PARP15: variants seen among roughly 807,000 people sequenced by gnomAD.
PARP15 encodes poly(ADP-ribose) polymerase family member 15.
Under a neutral mutation model 62.1 loss-of-function variants are expected in PARP15, and 50 were observed. That is an observed-to-expected ratio of 0.81 (90% CI 0.64 to 1.02). The LOEUF (loss-of-function observed/expected upper bound fraction) is 1.02, where lower values mean the gene tolerates loss of function less well. Among genes scored for constraint, PARP15 ranks in the 50% least tolerant of loss-of-function variants. The probability of loss-of-function intolerance (pLI) is 0.00; values close to 1 mark genes in which losing one functional copy is unlikely to be tolerated. For missense variants in PARP15, 820 were observed against 826.5 expected, an observed-to-expected ratio of 0.99 and a Z score of 0.10; for synonymous variants, 309 against 293.1, an observed-to-expected ratio of 1.05 and a Z score of -0.55.
At position 122,598,062 on chromosome 3, in the gene PARP15, T is replaced by G. The variant is rs1053665206; in HGVS notation, c.187-7874T>G. ...GAACCCATGGATATATATTTACATGTTTTTTGTTAAGACCTTTAAATTTCA... is the reference window on the plus strand; with the variant it reads ...GAACCCATGGATATATATTTACATGGTTTTTGTTAAGACCTTTAAATTTCA... On this transcript the variant is annotated intron_variant, in intron 1 of 11. Coordinates refer to ENST00000464300, the MANE Select transcript of PARP15 (RefSeq NM_001113523.3). Among the ~76,000 whole-genome samples, 92 of 152,294 alleles carry G rather than the reference T, an allele frequency of 6.0e-4. 1 individual carries two copies. Among genetic ancestry groups the G allele is most frequent in the African/African-American group, 2.1e-3 (86 of 41,550 alleles).
chr3:122,584,245 T>C (rs1197311669), intron 1 of PARP15, among the ~76,000 whole-genome samples: 1 of 152,230 alleles, frequency 6.6e-6, no homozygotes, highest in Non-Finnish European at 1.5e-5. Flanking sequence ...GATGTTTGCA[T>C]GCTCATTTTA....
intron 1 of PARP15, among the ~76,000 whole-genome samples, chr3:122,595,476 C>T (rs1934261581): frequency 6.6e-6 from 1 of 152,168 alleles, no homozygotes; most frequent in Non-Finnish European, 1.5e-5. Flanking sequence ...ATGGCTCCTT[C>T]CTCCTAAATA....
intron 1 of PARP15, among the ~76,000 whole-genome samples, chr3:122,602,401 C>T (rs1174307692): frequency 2.6e-5 from 4 of 152,136 alleles, no homozygotes; most frequent in Non-Finnish European, 4.4e-5. Flanking sequence ...CTCTAGAGCT[C>T]CCTGGGAGAT....
chr3:122,605,382 G>A (rs983575128), intron 1 of PARP15, among the ~76,000 whole-genome samples: 2 of 152,138 alleles, frequency 1.3e-5, no homozygotes, highest in Admixed American at 1.3e-4. Context: ...GGCTATGCTA[G>A]GATTCTTGGG....
At chr3:122,595,438 G>A (rs556471484) in intron 1 of PARP15, among the ~76,000 whole-genome samples, 1 of 151,982 alleles carries the variant, frequency 6.6e-6, no homozygotes, top group Non-Finnish European at 1.5e-5. Context: ...CCTTTTACTC[G>A]ATCTCTTAGC....
intron 9 of PARP15, among the ~76,000 whole-genome samples, chr3:122,628,185 C>T (rs1174696266): frequency 1.3e-5 from 2 of 152,204 alleles, no homozygotes; most frequent in Non-Finnish European, 2.9e-5. Flanking sequence ...TGGAGATATA[C>T]AGTCATCATC....
chr3:122,633,322 A>G (rs919389161), intron 10 of PARP15, among the ~76,000 whole-genome samples: 14 of 152,306 alleles, frequency 9.2e-5, no homozygotes, highest in East Asian at 3.9e-4. Flanking sequence ...TTCCTGAGAA[A>G]GGGGAGCCAG....
At chr3:122,623,545 C>T (rs1438252059) in intron 8 of PARP15, among the ~76,000 whole-genome samples, 2 of 152,098 alleles carry the variant, frequency 1.3e-5, no homozygotes, top group Non-Finnish European at 2.9e-5. Flanking sequence ...AGGGAAAGGG[C>T]AGAAAAGTCA....
At chr3:122,635,767 G>A (rs1315735832) in intron 11 of PARP15, 44 bp from the exon 12 acceptor site, 3 of 1,572,098 alleles carry the variant, frequency 1.9e-6, no homozygotes, top group Non-Finnish European at 2.6e-6. Context: ...TACACATTGT[G>A]TAATTTTATA....
At chr3:122,596,185 G>A (rs1176701548) in intron 1 of PARP15, among the ~76,000 whole-genome samples, 7 of 151,474 alleles carry the variant, frequency 4.6e-5, no homozygotes, top group Non-Finnish European at 1.0e-4. Context: ...GGTGAAACCC[G>A]TCTCTACTAA....
intron 1 of PARP15, among the ~76,000 whole-genome samples, chr3:122,585,779 C>T (rs1933377563): frequency 1.3e-5 from 2 of 152,226 alleles, no homozygotes; most frequent in South Asian, 4.1e-4. Context: ...AAACTGCCAT[C>T]CCCTATTCCA....
intron 6 of PARP15, 112 bp from the exon 7 acceptor site, chr3:122,619,669 G>A (rs1936212706): frequency 4.4e-6 from 4 of 905,248 alleles, no homozygotes; most frequent in Non-Finnish European, 7.3e-6. Flanking sequence ...CGTGGGGGTG[G>A]TCAATGGATT....
chr3:122,617,604 C>T (rs188252414), intron 6 of PARP15, among the ~76,000 whole-genome samples: 241 of 152,286 alleles, frequency 1.6e-3, no homozygotes, highest in African/African-American at 5.5e-3. Context: ...TTACACTGAC[C>T]GAGAAATGAA....
chr3:122,577,741 G>A lies in PARP15; in HGVS notation c.74G>A (p.Gly25Glu). ...CCGACCCCCAGAGAACTTATGCACG[G>A]AGTTGCAGGTGTTACTTCCAGAGCC... ...GAPTPRELMHGVAGVTSRAGR... is the reference protein window; with the variant it reads ...GAPTPRELMHEVAGVTSRAGR... The change falls in exon 1 of 12, where the codon GGA becomes GAA. Residue 25 changes from glycine (G) to glutamate (E), a missense_variant. Physicochemically the swap from Gly to Glu is moderately conservative, Grantham distance 98. Transcript: ENST00000464300. 6.4e-7 allele frequency: 1 copy of A among 1,551,732 alleles called. No homozygotes were observed. Among genetic ancestry groups the A allele is most frequent in the Non-Finnish European group, 8.7e-7 (1 of 1,146,990 alleles).
intron 2 of PARP15, among the ~76,000 whole-genome samples, chr3:122,606,627 A>G (rs143297236): frequency 2.0e-4 from 30 of 152,272 alleles, no homozygotes; most frequent in African/African-American, 6.0e-4. Context: ...ATCGTGCTCA[A>G]TCCTGGCTGC....
At chr3:122,590,786 T>C (rs1933847719) in intron 1 of PARP15, among the ~76,000 whole-genome samples, 2 of 152,228 alleles carry the variant, frequency 1.3e-5, no homozygotes, top group Non-Finnish European at 2.9e-5. Flanking sequence ...TATTGTCCCC[T>C]TCCTTTGTGA....
rs1937277616 is a variant in PARP15, at chr3:122,635,133, T to G, written c.1686T>G (p.Asp562Glu). Residue 562 changes from aspartate (D) to glutamate (E), a missense_variant, in exon 11 of 12, where the codon GAT becomes GAG. Coordinates refer to ENST00000464300, the MANE Select transcript of PARP15 (RefSeq NM_001113523.3). ...NNERLLFHGT[D>E]ADSVPYVNQH... ...AGAGACTCCTCTTCCATGGGACAGA[T>G]GCAGACTCAGTGCCATATGTCAATC... 1 of 1,613,968 alleles carries G rather than the reference T, an allele frequency of 6.2e-7. No individual in the cohort carries two copies. The highest frequency in any genetic ancestry group is 1.1e-5 in the South Asian group (1 of 91,076).
chr3:122,605,833 A>G, intron 1 of PARP15, 103 bp from the exon 2 acceptor site: 1 of 1,181,936 alleles, frequency 8.5e-7, no homozygotes, highest in Non-Finnish European at 1.2e-6. Flanking sequence ...TCTCCCACCT[A>G]GTCTTCCAAA....
intron 9 of PARP15, among the ~76,000 whole-genome samples, chr3:122,629,635 C>A (rs150662963): frequency 6.6e-6 from 1 of 152,102 alleles, no homozygotes; most frequent in Non-Finnish European, 1.5e-5. Flanking sequence ...CATTTATTGT[C>A]CACTTTGTTA....
Sources: allele counts gnomAD v4.1 joint callset (sites outside exome capture counted in the v4.1 genomes callset), GRCh38; gene constraint gnomAD v4.1.1; transcripts MANE v1.5; gene names NCBI Gene and HGNC (gene_info 2026-07-23, HGNC 2026-07-21).